DAP: variants seen among roughly 807,000 people sequenced by gnomAD.
DAP encodes death-associated protein 1.
DAP carries 8 observed loss-of-function variants against 13.8 expected under a neutral mutation model. The ratio of observed to expected loss-of-function variants is 0.58; its 90% CI spans 0.34 to 1.05. The LOEUF (loss-of-function observed/expected upper bound fraction) is 1.05, where lower values mean the gene tolerates loss of function less well. Among genes scored for constraint, DAP ranks in the 50% least tolerant of loss-of-function variants. DAP has a pLI of 0.03. For synonymous variants in DAP, 47 were observed against 47.5 expected (o/e 0.99, Z 0.04); for missense variants, 106 against 133.2 (o/e 0.80, Z 1.01).
chr5:10,686,354 A>G (rs1738153925), intron 2 of DAP, among the ~76,000 whole-genome samples: 3 of 152,206 alleles, frequency 2.0e-5, no homozygotes, highest in Admixed American at 1.3e-4. Context: ...CTCACTTTCA[A>G]TCAAAAGCTA....
At chr5:10,749,264 T>C (rs1391479675) in intron 1 of DAP, among the ~76,000 whole-genome samples, 3 of 152,252 alleles carry the variant, frequency 2.0e-5, no homozygotes, top group Non-Finnish European at 2.9e-5. Context: ...AATGCAGCTG[T>C]GAAGAACTTA....
At position 10,679,836 on chromosome 5, in the gene DAP, C is replaced by G. The variant is rs1388452651; in HGVS notation, c.*1220G>C. 6.6e-6 allele frequency: 1 copy of G among 152,404 alleles called. No homozygotes were observed. The highest frequency in any genetic ancestry group is 1.5e-5 in the Non-Finnish European group (1 of 68,074). The allele number at this position is 152,404 out of a possible 1,614,324, so 9.4% of individuals were successfully genotyped here. ...GAAAGGCTGGTGGTTGGCAGCTGCTCACGACACAGTTGCTGACCTGCAGCA... is the reference window on the plus strand; with the variant it reads ...GAAAGGCTGGTGGTTGGCAGCTGCTGACGACACAGTTGCTGACCTGCAGCA... On this transcript the variant is annotated 3_prime_UTR_variant, in exon 4 of 4. Transcript: ENST00000230895.
chr5:10,759,271 C>T (rs960290789), intron 1 of DAP, among the ~76,000 whole-genome samples: 1 of 152,160 alleles, frequency 6.6e-6, no homozygotes, highest in African/African-American at 2.4e-5. Context: ...CCAACAGATA[C>T]GCTTTAATGT....
intron 2 of DAP, among the ~76,000 whole-genome samples, chr5:10,704,119 T>C (rs1738644802): frequency 6.6e-6 from 1 of 152,242 alleles, no homozygotes; most frequent in Non-Finnish European, 1.5e-5. Flanking sequence ...TGATCTCTTT[T>C]ACCTGGAGCC....
At chr5:10,739,312 T>C (rs1444743408) in intron 2 of DAP, among the ~76,000 whole-genome samples, 2 of 149,428 alleles carry the variant, frequency 1.3e-5, no homozygotes, top group Admixed American at 6.6e-5. Flanking sequence ...ATTTTTTTAG[T>C]ACTTTTTTTT....
At chr5:10,751,646 T>C (rs565514719) in intron 1 of DAP, among the ~76,000 whole-genome samples, 6 of 152,280 alleles carry the variant, frequency 3.9e-5, no homozygotes, top group Admixed American at 3.9e-4. Flanking sequence ...TGTAATTGTA[T>C]TTGGAGAGAG....
intron 2 of DAP, among the ~76,000 whole-genome samples, chr5:10,747,912 C>T (rs535502812): frequency 1.4e-3 from 16 of 11,536 alleles, no homozygotes; most frequent in Admixed American, 2.6e-3. Context: ...TGCAGACAGA[C>T]GGGGCACCAG....
intron 2 of DAP, among the ~76,000 whole-genome samples, chr5:10,727,955 G>A (rs1486895258): frequency 2.0e-5 from 3 of 152,068 alleles, no homozygotes; most frequent in African/African-American, 7.2e-5. Flanking sequence ...TATTGTTTGG[G>A]GAACAGTGAC....
At chr5:10,734,593 C>A (rs1382048325) in intron 2 of DAP, among the ~76,000 whole-genome samples, 1 of 152,196 alleles carries the variant, frequency 6.6e-6, no homozygotes, top group Non-Finnish European at 1.5e-5. Flanking sequence ...CACTGGGAAT[C>A]CTGACAGTGC....
chr5:10,705,888 T>TA (rs1400117842), intron 2 of DAP, among the ~76,000 whole-genome samples: 1 of 152,098 alleles, frequency 6.6e-6, no homozygotes, highest in Non-Finnish European at 1.5e-5. Flanking sequence ...CCATGAGCCA[T>TA]AAAAAAAGTG....
intron 2 of DAP, among the ~76,000 whole-genome samples, chr5:10,688,677 C>T (rs1346960243): frequency 2.0e-5 from 3 of 151,744 alleles, no homozygotes; most frequent in Non-Finnish European, 4.4e-5. Flanking sequence ...ACACACACAA[C>T]TACTGTCCCA....
At chr5:10,732,383 A>T (rs769611741) in intron 2 of DAP, among the ~76,000 whole-genome samples, 4 of 152,164 alleles carry the variant, frequency 2.6e-5, no homozygotes, top group Non-Finnish European at 5.9e-5. Flanking sequence ...GCAATCAGTC[A>T]TCTGCTGCCT....
chr5:10,710,396 C>T (rs1738817419), intron 2 of DAP, among the ~76,000 whole-genome samples: 1 of 152,238 alleles, frequency 6.6e-6, no homozygotes. Flanking sequence ...AGCTCCTGTT[C>T]TCTGTGTTCA....
chr5:10,706,329 A>G (rs1579796133), intron 2 of DAP, among the ~76,000 whole-genome samples: 1 of 152,358 alleles, frequency 6.6e-6, no homozygotes, highest in East Asian at 1.9e-4. Context: ...CACAACAGTC[A>G]GCTTAGGTAA....
chr5:10,748,702 G>A (rs1739973165), intron 1 of DAP, among the ~76,000 whole-genome samples: 1 of 152,184 alleles, frequency 6.6e-6, no homozygotes, highest in Non-Finnish European at 1.5e-5. Flanking sequence ...TGGGTGACAT[G>A]GGACAGCTAC....
At chr5:10,708,650 G>C (rs997246567) in intron 2 of DAP, among the ~76,000 whole-genome samples, 1 of 152,312 alleles carries the variant, frequency 6.6e-6, no homozygotes, top group Admixed American at 6.5e-5. Flanking sequence ...TGTTATTAAT[G>C]ATAACAGTTT....
intron 2 of DAP, among the ~76,000 whole-genome samples, chr5:10,696,344 G>T (rs546012785): frequency 6.6e-6 from 1 of 152,294 alleles, no homozygotes; most frequent in Non-Finnish European, 1.5e-5. Flanking sequence ...GGTGTGGCGG[G>T]GGGGAGGCTT....
chr5:10,710,872 G>C (rs5745238), intron 2 of DAP, among the ~76,000 whole-genome samples: 1 of 152,176 alleles, frequency 6.6e-6, no homozygotes, highest in African/African-American at 2.4e-5. Flanking sequence ...GCATCAAGCT[G>C]CCCAGTTAGC....
intron 2 of DAP, among the ~76,000 whole-genome samples, chr5:10,704,341 CCAT>C (rs1172831086): frequency 1.3e-5 from 2 of 152,172 alleles, no homozygotes; most frequent in Admixed American, 1.3e-4. Flanking sequence ...ATTTTTGCCA[CCAT>C]GAGTTTCAGT....
Sources: allele counts gnomAD v4.1 joint callset (sites outside exome capture counted in the v4.1 genomes callset), GRCh38; gene constraint gnomAD v4.1.1; transcripts MANE v1.5; gene names NCBI Gene and HGNC (gene_info 2026-07-23, HGNC 2026-07-21).